Variants in TNK2 observed in about 807,000 individuals in gnomAD.
TNK2 encodes tyrosine kinase non receptor 2.
TNK2 carries 83 observed loss-of-function variants against 101.8 expected under a neutral mutation model. The ratio of observed to expected loss-of-function variants is 0.82; its 90% CI spans 0.68 to 0.98. The LOEUF (loss-of-function observed/expected upper bound fraction) is 0.98, where lower values mean the gene tolerates loss of function less well. TNK2 is among the 50% of genes least tolerant of loss of function. The pLI is 0.00. For missense variants in TNK2, 1,665 were observed against 1,483.2 expected, an observed-to-expected ratio of 1.12 and a Z score of -2.01; for synonymous variants, 804 against 633.0, an observed-to-expected ratio of 1.27 and a Z score of -4.06.
At position 195,882,692 on chromosome 3, in the gene TNK2, T is replaced by C. The variant is rs554752089; in HGVS notation, c.610-364A>G. On this transcript the variant is annotated intron_variant, in intron 5 of 15. Coordinates refer to ENST00000672887, the MANE Select transcript of TNK2 (RefSeq NM_001382273.1). The surrounding 1 kb of genome is among the most constrained non-coding windows in gnomAD (Gnocchi z 4.2). Reference sequence around the variant, plus strand: ...GGCCAACATGGTGAAACCCCGTCTCTACTAAAAATACAAAAATTAGCCAGG... The same window carrying C: ...GGCCAACATGGTGAAACCCCGTCTCCACTAAAAATACAAAAATTAGCCAGG... Among the ~76,000 whole-genome samples, 1 of 152,168 alleles carries C rather than the reference T, an allele frequency of 6.6e-6. No homozygotes were observed. Among genetic ancestry groups the C allele is most frequent in the South Asian group, 2.1e-4 (1 of 4,816 alleles).
intron 10 of TNK2, among the ~76,000 whole-genome samples, chr3:195,871,557 G>T (rs1051331602): frequency 1.9e-4 from 29 of 152,080 alleles, no homozygotes; most frequent in African/African-American, 6.8e-4. Flanking sequence ...GGGGCCACAG[G>T]GGGGTCATGG....
intron 1 of TNK2, among the ~76,000 whole-genome samples, chr3:195,903,799 A>C (rs1577123236): frequency 6.6e-6 from 1 of 152,310 alleles, no homozygotes; most frequent in East Asian, 1.9e-4. Flanking sequence ...AAGATCAGAA[A>C]GGAGGAAGTA....
rs1577045129 is a variant in TNK2 at position 195,878,167 on chromosome 3, G to A, written c.1256+86C>T. 4 of 1,420,460 alleles carry A rather than the reference G, an allele frequency of 2.8e-6. No homozygotes were observed. Among genetic ancestry groups the A allele is most frequent in the East Asian group, 4.6e-5 (2 of 43,872 alleles). The allele number at this position is 1,420,460 out of a possible 1,614,324, so 88.0% of individuals were successfully genotyped here. A position where few individuals can be genotyped will look rare whatever the true frequency, so the allele number is the denominator to read the frequency against. On this transcript the variant is annotated intron_variant, in intron 9 of 15. Transcript: ENST00000672887. This position sits in a 1 kb window ranked among gnomAD's most constrained non-coding sequence, Gnocchi z 4.7. ...GCCTGTATGTGGCCAAGGGAATCTT[G>A]GAGGCCAAACAGATCTGTCCACAGG...
chr3:195,905,944 T>C (rs1394256504), intron 1 of TNK2, among the ~76,000 whole-genome samples: 2 of 152,214 alleles, frequency 1.3e-5, no homozygotes, highest in South Asian at 4.1e-4. Flanking sequence ...AAAAGGCTTA[T>C]ATCCAGAATA....
At chr3:195,876,818 G>T (rs1236636994) in intron 9 of TNK2, 8 of 359,494 alleles carry the variant, frequency 2.2e-5, no homozygotes, top group African/African-American at 1.5e-4. Context: ...CCCACTGCCC[G>T]CCTTGCCCGG....
At position 195,878,165 on chromosome 3, in the gene TNK2, T is replaced by C. The variant is rs993862378; in HGVS notation, c.1256+88A>G. 1 of 1,418,622 alleles carries C rather than the reference T, an allele frequency of 7.0e-7. No homozygotes were observed. The allele number at this position is 1,418,622 out of a possible 1,614,324, so 87.9% of individuals were successfully genotyped here. A position where few individuals can be genotyped will look rare whatever the true frequency, so the allele number is the denominator to read the frequency against. On this transcript the variant is annotated intron_variant, in intron 9 of 15. Transcript: ENST00000672887. The surrounding 1 kb of genome is among the most constrained non-coding windows in gnomAD (Gnocchi z 4.7). ...CAGCCTGTATGTGGCCAAGGGAATCTTGGAGGCCAAACAGATCTGTCCACA... is the reference window on the plus strand; with the variant it reads ...CAGCCTGTATGTGGCCAAGGGAATCCTGGAGGCCAAACAGATCTGTCCACA...
Position 195,869,526 on chromosome 3 carries a change from C to A in TNK2, c.1559G>T (p.Arg520Leu), listed in dbSNP as rs770562169. 17 of 1,550,840 alleles carry A rather than the reference C, an allele frequency of 1.1e-5. No homozygotes were observed. The highest frequency in any genetic ancestry group is 2.0e-5 in the Admixed American group (1 of 50,988). The change falls in exon 12 of 16, where the codon CGC (arginine) becomes CTC (leucine). Residue 520 changes from arginine (R) to leucine (L), a missense_variant. Arg to Leu is a moderately radical substitution (Grantham distance 102, BLOSUM62 -2). Transcript: ENST00000672887. ...LGGVKREPPP[R>L]PPQPAFFTQK... Reference sequence around the variant, plus strand: ...AGTGAAGAAGGCAGGCTGAGGTGGGCGAGGTGGAGGCTCCCCTGCAAGAAA... The same window carrying A: ...AGTGAAGAAGGCAGGCTGAGGTGGGAGAGGTGGAGGCTCCCCTGCAAGAAA...
intron 1 of TNK2, among the ~76,000 whole-genome samples, chr3:195,902,379 A>T (rs1212472142): frequency 2.0e-5 from 3 of 152,200 alleles, no homozygotes; most frequent in African/African-American, 7.2e-5. Context: ...GCACTGTGGG[A>T]GGCCGAGGTG....
At chr3:195,880,026 G>A (rs1751516513) in intron 6 of TNK2, among the ~76,000 whole-genome samples, 1 of 152,136 alleles carries the variant, frequency 6.6e-6, no homozygotes, top group Non-Finnish European at 1.5e-5. Context: ...TGCTCGTTAA[G>A]ATGACCATGC....
chr3:195,907,333 C>A (rs550087964), intron 1 of TNK2, among the ~76,000 whole-genome samples: 2 of 152,156 alleles, frequency 1.3e-5, no homozygotes, highest in Non-Finnish European at 2.9e-5. Flanking sequence ...GCGGGCTAAC[C>A]GGCTCCTCCA....
rs140132025 is a variant in TNK2, at chr3:195,887,278, G to A, written c.164-231C>T. On this transcript the variant is annotated intron_variant, in intron 2 of 15. Transcript: ENST00000672887. ...AGGTGTTTAACCAAAAACTTGAAGC[G>A]ATGGGCTTCTCCCAGTTCTCAGGAA... Among the ~76,000 whole-genome samples, 67 of 152,358 alleles carry A rather than the reference G, an allele frequency of 4.4e-4. 1 individual carries two copies. In the East Asian group the frequency reaches 6.4e-3, roughly 14 times the overall value.
At chr3:195,895,155 C>G in intron 1 of TNK2, 1 of 1,282,608 alleles carries the variant, frequency 7.8e-7, no homozygotes, top group Non-Finnish European at 1.0e-6. Context: ...ACTCCTGAGG[C>G]CGCCGCAGGG....
In TNK2 at chr3:195,869,557, T is replaced by C. The variant is rs1448920396; in HGVS notation, c.1544-16A>G. 6 of 1,550,898 alleles carry C rather than the reference T, an allele frequency of 3.9e-6. No homozygotes were observed. Among genetic ancestry groups the C allele is most frequent in the South Asian group, 2.4e-5 (2 of 84,026 alleles). On this transcript the variant is annotated splice_polypyrimidine_tract_variant and intron_variant, in intron 11 of 15. Coordinates refer to ENST00000672887, the MANE Select transcript of TNK2 (RefSeq NM_001382273.1). The stretch of plus-strand genomic sequence containing the variant: ...GGAGGCTCCCCTGCAAGAAAGGCCA[T>C]GCGGACAGGGGGAGAGAGACGGAGC...
chr3:195,896,479 A>T (rs1760534455), intron 1 of TNK2, among the ~76,000 whole-genome samples: 1 of 152,142 alleles, frequency 6.6e-6, no homozygotes, highest in South Asian at 2.1e-4. Flanking sequence ...AGGCCCCCGA[A>T]CGCCTGCTTC....
At chr3:195,873,039 T>C (rs527638412) in intron 9 of TNK2, among the ~76,000 whole-genome samples, 1 of 152,180 alleles carries the variant, frequency 6.6e-6, no homozygotes, top group East Asian at 1.9e-4. Context: ...CGGGAGAGTC[T>C]AGGAGCACTC....
chr3:195,868,011 G>C lies in TNK2; in HGVS notation c.2287C>G (p.Arg763Gly), dbSNP rs202015088. 2 of 1,577,626 alleles carry C rather than the reference G, an allele frequency of 1.3e-6. No homozygotes were observed. Among genetic ancestry groups the C allele is most frequent in the African/African-American group, 2.7e-5 (2 of 74,242 alleles). ...QVPPRVPIPP[R>G]PTRPHVQLSP... is the part of the protein sequence containing the mutation. ...AGCTGGACGTGTGGGCGCGTGGGCC[G>C]AGGGGGGATGGGTACCCGAGGAGGC... is the stretch of plus-strand genomic sequence containing the variant. Residue 763 changes from arginine (R) to glycine (G), a missense_variant, in exon 13 of 16, where the codon CGG (arginine) becomes GGG (glycine). By Grantham distance (125) the Arg-to-Gly change is moderately radical (BLOSUM62 -2). Coordinates refer to ENST00000672887, the MANE Select transcript of TNK2 (RefSeq NM_001382273.1).
Position 195,868,607 on chromosome 3 carries a change from G to T in TNK2, c.1691C>A (p.Ala564Glu), listed in dbSNP as rs772037104. Reference protein sequence around the residue: ...KPGLPRGLWLAKPSARVPGTK... With the variant: ...KPGLPRGLWLEKPSARVPGTK... ...GCCCGGCACCCGCGCCGAGGGCTTC[G>T]CCAGCCACAGCCCTCGGGGCAGGCC... The change falls in exon 13 of 16, where the codon GCG becomes GAG. Residue 564 changes from alanine (A) to glutamate (E), a missense_variant. Ala to Glu is a moderately radical substitution (Grantham distance 107, BLOSUM62 -1). Around this residue, in one of 3 missense-constraint regions of TNK2, gnomAD observed 1,136 missense variants for 894.9 expected, o/e 1.27. Transcript: ENST00000672887. 1.3e-6 allele frequency: 2 copies of T among 1,579,988 alleles called. No individual in the cohort carries two copies. Among genetic ancestry groups the T allele is most frequent in the Non-Finnish European group, 1.7e-6 (2 of 1,172,512 alleles).
At chr3:195,869,412 C>G in intron 12 of TNK2, 85 bp downstream of exon 12, 1 of 1,444,912 alleles carries the variant, frequency 6.9e-7, no homozygotes, top group Non-Finnish European at 9.5e-7. Flanking sequence ...CCGGCCCAGC[C>G]GCCCAGGCTC....
At chr3:195,897,616 C>T (rs1200536799) in intron 1 of TNK2, among the ~76,000 whole-genome samples, 3 of 152,240 alleles carry the variant, frequency 2.0e-5, no homozygotes, top group Non-Finnish European at 4.4e-5. Flanking sequence ...ATCCTCCTGC[C>T]TCCATCTCCT....
Sources: allele counts gnomAD v4.1 joint callset (sites outside exome capture counted in the v4.1 genomes callset), GRCh38; gene constraint gnomAD v4.1.1; regional missense constraint gnomAD v4.1.1; non-coding constraint Gnocchi (gnomAD v3.1); transcripts MANE v1.5; gene names NCBI Gene and HGNC (gene_info 2026-07-23, HGNC 2026-07-21).